Variants in NMT2 observed in about 807,000 individuals in gnomAD.
NMT2 encodes the protein N-myristoyltransferase 2.
In NMT2, 35 loss-of-function variants were observed where a neutral mutation model predicts 65.4. The observed-to-expected ratio is 0.54, with a 90% confidence interval of 0.41 to 0.71. The LOEUF (loss-of-function observed/expected upper bound fraction) is 0.71. Among genes scored for constraint, NMT2 ranks in the 30% least tolerant of loss-of-function variants. The pLI, the probability that NMT2 is intolerant of heterozygous loss-of-function variation, is 0.00. For missense variants in NMT2, 489 were observed against 611.3 expected (o/e 0.80, Z 2.11); for synonymous variants, 226 against 231.8 (o/e 0.98, Z 0.23).
intron 9 of NMT2, among the ~76,000 whole-genome samples, chr10:15,116,244 T>C (rs527840624): frequency 6.6e-6 from 1 of 152,196 alleles, no homozygotes; most frequent in South Asian, 2.1e-4. Context: ...TTAACCATAA[T>C]TGAATCAAAC....
At chr10:15,144,650 G>T (rs1426915360) in intron 1 of NMT2, among the ~76,000 whole-genome samples, 2 of 152,086 alleles carry the variant, frequency 1.3e-5, no homozygotes, top group Non-Finnish European at 2.9e-5. Flanking sequence ...AGAATGGCGT[G>T]AACCCGGGAA....
chr10:15,108,530 C>G lies in NMT2; in HGVS notation c.*665G>C. The stretch of plus-strand genomic sequence containing the variant: ...CAGTGAGTGCTTGCACAAAACTCTG[C>G]TTTTGAAGCAATCCACTGACCTGGT... On this transcript the variant is annotated 3_prime_UTR_variant, in exon 12 of 12. Transcript: ENST00000378165. The G allele has an allele frequency of 1.0e-6, 1 of 985,712 alleles. No homozygotes were observed. The highest frequency in any genetic ancestry group is 1.2e-6 in the Non-Finnish European group (1 of 830,154). 61.1% of individuals were successfully genotyped at this position (985,712 alleles called of 1,614,324 possible). A position where few individuals can be genotyped will look rare whatever the true frequency, so the allele number is the denominator to read the frequency against.
intron 6 of NMT2, among the ~76,000 whole-genome samples, chr10:15,131,005 G>A (rs2131541769): frequency 6.6e-6 from 1 of 152,050 alleles, no homozygotes; most frequent in South Asian, 2.1e-4. Context: ...GGCTACGCTG[G>A]TCTCGCATTC....
At chr10:15,138,733 T>G (rs139024358) in intron 2 of NMT2, among the ~76,000 whole-genome samples, 9 of 152,340 alleles carry the variant, frequency 5.9e-5, no homozygotes, top group Non-Finnish European at 1.3e-4. Flanking sequence ...CAGTCCACTG[T>G]AATTTACAGT....
chr10:15,111,682 T>G (rs1845524286), intron 10 of NMT2: 1 of 152,060 alleles, frequency 6.6e-6, no homozygotes. Context: ...TTTTTATTTC[T>G]CAGGGTTTTT....
intron 1 of NMT2, among the ~76,000 whole-genome samples, chr10:15,143,842 G>A (rs531387685): frequency 1.3e-5 from 2 of 152,182 alleles, no homozygotes; most frequent in South Asian, 2.1e-4. Flanking sequence ...GCAACAGAGT[G>A]AGACCCTGTC....
intron 8 of NMT2, among the ~76,000 whole-genome samples, chr10:15,120,915 C>T (rs1453839048): frequency 6.6e-6 from 1 of 152,166 alleles, no homozygotes; most frequent in South Asian, 2.1e-4. Flanking sequence ...GGTGTCTTAT[C>T]ACTACTCCAG....
At chr10:15,165,024 G>A (rs4748148) in intron 1 of NMT2, among the ~76,000 whole-genome samples, 27,406 of 151,966 alleles carry the variant, frequency 0.18, 3,092 homozygotes, top group African/African-American at 0.32. Flanking sequence ...TTAGCTGGGC[G>A]TGGTGATGCA....
intron 10 of NMT2, among the ~76,000 whole-genome samples, chr10:15,112,170 G>A (rs1260249209): frequency 2.7e-5 from 2 of 73,990 alleles, no homozygotes; most frequent in African/African-American, 4.8e-5. Flanking sequence ...CTAAGATATG[G>A]GCTTTATATA....
intron 1 of NMT2, 27 bp from the exon 2 acceptor site, chr10:15,141,584 C>T: frequency 1.9e-6 from 3 of 1,579,196 alleles, no homozygotes; most frequent in Middle Eastern, 3.3e-4. Context: ...GATGGTGAAA[C>T]CAACCAACAA....
At chr10:15,161,183 G>A (rs528975680) in intron 1 of NMT2, among the ~76,000 whole-genome samples, 3 of 147,240 alleles carry the variant, frequency 2.0e-5, no homozygotes, top group Non-Finnish European at 3.0e-5. Flanking sequence ...CAAGGAAAAC[G>A]ATTGTTATCA....
chr10:15,138,001 CTTCTT>C (rs1427267212), intron 2 of NMT2, among the ~76,000 whole-genome samples: 3 of 140,342 alleles, frequency 2.1e-5, no homozygotes, highest in Admixed American at 7.2e-5. Context: ...TCTTCTTCTT[CTTCTT>C]TTTTTTTTTT....
In NMT2 at chr10:15,135,432, GACAGAC is replaced by G. The variant is rs1192469937; in HGVS notation, c.247-20_247-15del. ...AACACTGGGATTCTACGACAGCAAA[GACAGAC>G]ACAGAATATGAGAGAGCGGCTGCTG... On this transcript the variant is annotated splice_polypyrimidine_tract_variant and intron_variant, in intron 2 of 11. Coordinates refer to ENST00000378165, the MANE Select transcript of NMT2 (RefSeq NM_004808.3). 1 of 1,613,296 alleles carries G rather than the reference GACAGAC, an allele frequency of 6.2e-7. No individual in the cohort carries two copies. Among genetic ancestry groups the G allele is most frequent in the African/African-American group, 1.3e-5 (1 of 74,898 alleles).
chr10:15,125,947 G>A (rs1239239187), intron 8 of NMT2, among the ~76,000 whole-genome samples: 1 of 151,912 alleles, frequency 6.6e-6, no homozygotes, highest in Non-Finnish European at 1.5e-5. Context: ...TTACAGGTGT[G>A]AGCCACCGCG....
chr10:15,130,343 T>G, intron 6 of NMT2, 31 bp from the exon 7 acceptor site: 1 of 1,457,276 alleles, frequency 6.9e-7, no homozygotes, highest in South Asian at 1.4e-5. Context: ...AGATTAAGAG[T>G]CAAAACGAGA....
intron 1 of NMT2, among the ~76,000 whole-genome samples, chr10:15,166,279 GCTGC>G (rs1421170763): frequency 1.3e-5 from 2 of 152,194 alleles, no homozygotes; most frequent in African/African-American, 4.8e-5. Flanking sequence ...TGCACTGGCC[GCTGC>G]CTGGTGGCCT....
rs1166794579 is a variant in NMT2 at position 15,109,684 on chromosome 10, T to C, written c.1476+18A>G. 1 of 1,597,296 alleles carries C rather than the reference T, an allele frequency of 6.3e-7. No homozygotes were observed. The highest frequency in any genetic ancestry group is 8.5e-7 in the Non-Finnish European group (1 of 1,172,864). ...GTACATTTGTTGAGTTTACAAGGGC[T>C]ATATCCATTTCACTTACCTTTTCAG... is the stretch of plus-strand genomic sequence containing the variant. On this transcript the variant is annotated intron_variant, in intron 11 of 11. Coordinates refer to ENST00000378165, the MANE Select transcript of NMT2 (RefSeq NM_004808.3).
In NMT2 at chr10:15,107,144, A is replaced by C. The variant is rs1341656956; in HGVS notation, c.*2051T>G. ...AAAAAAAAAGTATGGCTATGTTCCA[A>C]TAAAACCTTATTGAGGGACACCGGA... is the stretch of plus-strand genomic sequence containing the variant. On this transcript the variant is annotated 3_prime_UTR_variant, in exon 12 of 12. Transcript: ENST00000378165. 6.6e-6 allele frequency among the ~76,000 whole-genome samples: 1 copy of C among 151,852 alleles called. No homozygotes were observed. Among genetic ancestry groups the C allele is most frequent in the African/African-American group, 2.4e-5 (1 of 41,370 alleles).
chr10:15,144,521 G>A (rs531454724), intron 1 of NMT2, among the ~76,000 whole-genome samples: 1 of 152,284 alleles, frequency 6.6e-6, no homozygotes, highest in Admixed American at 6.5e-5. Context: ...CATGAGATCA[G>A]GAGATCGAGA....
Sources: allele counts gnomAD v4.1 joint callset (sites outside exome capture counted in the v4.1 genomes callset), GRCh38; gene constraint gnomAD v4.1.1; transcripts MANE v1.5; gene names NCBI Gene and HGNC (gene_info 2026-07-23, HGNC 2026-07-21).